The following TAMM41 variants were observed in gnomAD, a reference collection of about 807,000 sequenced individuals.
The protein encoded by TAMM41 is phosphatidate cytidylyltransferase, mitochondrial.
TAMM41 carries 36 observed loss-of-function variants against 44.1 expected under a neutral mutation model. The ratio of observed to expected loss-of-function variants is 0.82; its 90% CI spans 0.63 to 1.08. The LOEUF is 1.08. Among genes scored for constraint, TAMM41 ranks in the 50% least tolerant of loss-of-function variants. TAMM41 has a pLI of 0.00. For synonymous variants in TAMM41, 164 were observed against 153.1 expected (o/e 1.07, Z -0.53); for missense variants, 417 against 404.3 (o/e 1.03, Z -0.27).
chr3:11,782,320 T>C, the TAMM41 span, among the ~76,000 whole-genome samples: 2 of 152,118 alleles, frequency 1.3e-5, no homozygotes, highest in Non-Finnish European at 2.9e-5. Context: ...CCAAGGTGGA[T>C]GGATCACTTG....
intron 5 of TAMM41, among the ~76,000 whole-genome samples, chr3:11,812,032 A>T (rs2078103159): frequency 6.6e-6 from 1 of 152,118 alleles, no homozygotes; most frequent in Admixed American, 6.5e-5. Flanking sequence ...GGCTCAAGTG[A>T]TTCTCATGCC....
Position 11,846,568 on chromosome 3 carries a change from C to T in TAMM41, c.69G>A (p.Glu23=). The change falls in exon 1 of 8, where the codon GAG becomes GAA. Residue 23 remains glutamate, a synonymous_variant. Coordinates refer to ENST00000455809, the MANE Select transcript of TAMM41 (RefSeq NM_001284401.2). The part of the protein sequence containing the change: ...FRKILSHFPE[E]LSLAFVYGSG... ...AGCCGTAGACGAAAGCCAGACTCAGCTCCTCGGGGAAGTGAGACAGGATCT... is the reference window on the plus strand; with the variant it reads ...AGCCGTAGACGAAAGCCAGACTCAGTTCCTCGGGGAAGTGAGACAGGATCT... 1.2e-6 allele frequency: 2 copies of T among 1,614,244 alleles called. No individual in the cohort carries two copies. The highest frequency in any genetic ancestry group is 2.2e-5 in the East Asian group (1 of 44,882).
chr3:11,756,710 A>G, the TAMM41 span, among the ~76,000 whole-genome samples: 1 of 152,024 alleles, frequency 6.6e-6, no homozygotes, highest in East Asian at 1.9e-4. Flanking sequence ...TACTAAACAT[A>G]CAAAATTAGC....
the TAMM41 span, among the ~76,000 whole-genome samples, chr3:11,768,038 T>C: frequency 1.3e-5 from 2 of 151,470 alleles, no homozygotes; most frequent in Non-Finnish European, 3.0e-5. Context: ...GGCATCTTAC[T>C]GTGGCTTTTA....
chr3:11,786,293 TTA>T (rs1490229852), downstream of TAMM41, among the ~76,000 whole-genome samples: 29 of 97,266 alleles, frequency 3.0e-4, no homozygotes, highest in Non-Finnish European at 6.6e-4. Context: ...AATTTTATTA[TTA>T]TTATTATTAT....
rs548786222 is a variant in TAMM41 at position 11,815,119 on chromosome 3, G to A, written c.708+2073C>T. On this transcript the variant is annotated intron_variant, in intron 5 of 7. Coordinates refer to ENST00000455809, the MANE Select transcript of TAMM41 (RefSeq NM_001284401.2). ...TCAAAGGGAGGGTAGAATTTTCAGA[G>A]GTATATAGTCTCAAAAACTTGCCTC... Among the ~76,000 whole-genome samples, 19 of 152,130 alleles carry A rather than the reference G, an allele frequency of 1.2e-4. 1 individual carries two copies. The highest frequency in any genetic ancestry group is 2.5e-4 in the Non-Finnish European group (17 of 68,028).
the TAMM41 span, among the ~76,000 whole-genome samples, chr3:11,776,165 C>T: frequency 1.3e-5 from 2 of 151,702 alleles, no homozygotes; most frequent in Admixed American, 6.6e-5. Flanking sequence ...AGGCGCCCGC[C>T]ACCACGCCCG....
intron 5 of TAMM41, among the ~76,000 whole-genome samples, chr3:11,813,252 A>C: frequency 6.6e-6 from 1 of 152,178 alleles, no homozygotes; most frequent in East Asian, 1.9e-4. Context: ...GTCCTTGGCC[A>C]GGTGCAGTGG....
chr3:11,823,583 A>T (rs755207479), intron 4 of TAMM41, among the ~76,000 whole-genome samples: 1 of 149,474 alleles, frequency 6.7e-6, no homozygotes, highest in Admixed American at 6.7e-5. Flanking sequence ...AAAATTCTTT[A>T]TATATTCTGG....
intron 7 of TAMM41, among the ~76,000 whole-genome samples, chr3:11,804,550 TAATAATTCC>T (rs1267652694): frequency 4.6e-5 from 7 of 152,206 alleles, no homozygotes; most frequent in African/African-American, 1.7e-4. Flanking sequence ...ACAATAATTC[TAATAATTCC>T]AATAATTCCT....
chr3:11,749,999 T>C, the TAMM41 span, among the ~76,000 whole-genome samples: 8 of 151,930 alleles, frequency 5.3e-5, no homozygotes, highest in African/African-American at 9.7e-5. Flanking sequence ...CCGGTTCATG[T>C]TATTCTCCTG....
the TAMM41 span, among the ~76,000 whole-genome samples, chr3:11,730,661 G>A: frequency 6.6e-6 from 1 of 151,986 alleles, no homozygotes. Context: ...TTGAACCTGG[G>A]AGGCGGAGGT....
chr3:11,769,182 C>T, the TAMM41 span, among the ~76,000 whole-genome samples: 4 of 152,200 alleles, frequency 2.6e-5, no homozygotes, highest in South Asian at 2.1e-4. Context: ...TCTAACCTGA[C>T]GGGTTCAAGC....
downstream of TAMM41, among the ~76,000 whole-genome samples, chr3:11,787,136 G>T (rs1303811782): frequency 6.6e-6 from 1 of 152,174 alleles, no homozygotes; most frequent in African/African-American, 2.4e-5. Flanking sequence ...TGGCGGCTGG[G>T]TTGCAAGCCA....
At chr3:11,731,671 G>C in the TAMM41 span, among the ~76,000 whole-genome samples, 1 of 152,132 alleles carries the variant, frequency 6.6e-6, no homozygotes, top group Admixed American at 6.6e-5. Flanking sequence ...TTTATTTCCA[G>C]GGTGGGAGAG....
chr3:11,841,457 C>T (rs1227079384), intron 2 of TAMM41, among the ~76,000 whole-genome samples: 1 of 152,154 alleles, frequency 6.6e-6, no homozygotes, highest in Non-Finnish European at 1.5e-5. Flanking sequence ...TTTGCATAAA[C>T]AAGTATCTTC....
At chr3:11,800,028 C>T (rs2077709269) in intron 7 of TAMM41, among the ~76,000 whole-genome samples, 1 of 152,090 alleles carries the variant, frequency 6.6e-6, no homozygotes, top group Admixed American at 6.5e-5. Flanking sequence ...CTAGTCTTTC[C>T]TAGACAAATA....
intron 2 of TAMM41, among the ~76,000 whole-genome samples, chr3:11,840,753 TG>T (rs1205598712): frequency 6.6e-6 from 1 of 151,854 alleles, no homozygotes; most frequent in African/African-American, 2.4e-5. Context: ...GTTTGAGAAG[TG>T]ATAATTTAGT....
intron 4 of TAMM41, among the ~76,000 whole-genome samples, chr3:11,823,087 G>A (rs553502829): frequency 2.6e-5 from 4 of 152,138 alleles, no homozygotes; most frequent in African/African-American, 4.8e-5. Context: ...ATAGAATGGC[G>A]TCTCTGTGAT....
Sources: allele counts gnomAD v4.1 joint callset (sites outside exome capture counted in the v4.1 genomes callset), GRCh38; gene constraint gnomAD v4.1.1; transcripts MANE v1.5; gene names NCBI Gene and HGNC (gene_info 2026-07-23, HGNC 2026-07-21).